Variants in FHIP1A observed in about 807,000 individuals in gnomAD.
FHIP1A encodes FHF complex subunit HOOK-interacting protein 1A.
In FHIP1A, 61 loss-of-function variants were observed where a neutral mutation model predicts 88.6. That is an observed-to-expected ratio of 0.69 (90% CI 0.56 to 0.85). The LOEUF (loss-of-function observed/expected upper bound fraction) is 0.85, where lower values mean the gene tolerates loss of function less well. Among genes scored for constraint, FHIP1A ranks in the 40% least tolerant of loss-of-function variants. The probability of loss-of-function intolerance (pLI) is 0.00; values close to 1 mark genes in which losing one functional copy is unlikely to be tolerated. For synonymous variants in FHIP1A, 478 were observed against 496.0 expected, an observed-to-expected ratio of 0.96 and a Z score of 0.48; for missense variants, 1,154 against 1,273.5, an observed-to-expected ratio of 0.91 and a Z score of 1.43.
rs112634063 is a variant in FHIP1A at position 151,614,107 on chromosome 4, G to C, written c.979-15595G>C. On this transcript the variant is annotated intron_variant, in intron 7 of 13. Transcript: ENST00000435205. ...GAACGTAGGAGGTGGAGGTTGCCGT[G>C]AGCTGAGATTGTGCCATTGCACTCT... is the stretch of plus-strand genomic sequence containing the variant. Among the ~76,000 whole-genome samples the C allele has an allele frequency of 3.1e-3, 464 of 150,932 alleles. 2 individuals are homozygous for C. Among genetic ancestry groups the C allele is most frequent in the African/African-American group, 0.011 (451 of 41,040 alleles).
At chr4:151,619,473 A>C (rs918631241) in intron 7 of FHIP1A, among the ~76,000 whole-genome samples, 1 of 152,206 alleles carries the variant, frequency 6.6e-6, no homozygotes, top group Non-Finnish European at 1.5e-5. Flanking sequence ...ATCAGAGTGC[A>C]TTGCACTTAG....
intron 3 of FHIP1A, among the ~76,000 whole-genome samples, chr4:151,527,773 C>T (rs1228812339): frequency 6.6e-6 from 1 of 152,174 alleles, no homozygotes; most frequent in Non-Finnish European, 1.5e-5. Flanking sequence ...TGTGTTTATA[C>T]TCTTTCCAGA....
chr4:151,518,905 G>T (rs1051262143), intron 3 of FHIP1A, among the ~76,000 whole-genome samples: 5 of 151,892 alleles, frequency 3.3e-5, no homozygotes, highest in African/African-American at 1.2e-4. Context: ...TGGTCTCGAG[G>T]TCTCAAACTC....
rs1028990144 is a variant in FHIP1A, at chr4:151,670,444, G to C, written c.*7690G>C. ...CAGCTGCACAATCTTTGAAGTGTAA[G>C]TTAATTTTTATGTGATATTTCAGTA... On this transcript the variant is annotated 3_prime_UTR_variant, in exon 14 of 14. Transcript: ENST00000435205. The C allele has an allele frequency of 6.6e-6, 1 of 152,156 alleles. No individual in the cohort carries two copies. Among genetic ancestry groups the C allele is most frequent in the Non-Finnish European group, 1.5e-5 (1 of 68,020 alleles). 9.4% of individuals were successfully genotyped at this position (152,156 alleles called of 1,614,324 possible).
intron 7 of FHIP1A, among the ~76,000 whole-genome samples, chr4:151,590,454 T>A (rs1392918059): frequency 6.6e-6 from 1 of 152,220 alleles, no homozygotes; most frequent in Non-Finnish European, 1.5e-5. Context: ...GTTACGAGGA[T>A]CTTACTGGTC....
intron 3 of FHIP1A, among the ~76,000 whole-genome samples, chr4:151,523,307 C>T (rs1352016585): frequency 1.3e-5 from 2 of 152,102 alleles, no homozygotes; most frequent in African/African-American, 4.8e-5. Flanking sequence ...TAATGGTAAG[C>T]ATAGAGAATG....
intron 7 of FHIP1A, among the ~76,000 whole-genome samples, chr4:151,626,047 G>A (rs531045270): frequency 1.3e-5 from 2 of 152,238 alleles, no homozygotes; most frequent in African/African-American, 4.8e-5. Context: ...ATAATATTTT[G>A]TATGTTTGCA....
intron 3 of FHIP1A, among the ~76,000 whole-genome samples, chr4:151,520,340 G>C (rs1043828120): frequency 5.9e-5 from 9 of 151,950 alleles, no homozygotes; most frequent in Non-Finnish European, 1.3e-4. Context: ...TATTGTGTTG[G>C]TGCCTTTATT....
intron 3 of FHIP1A, among the ~76,000 whole-genome samples, chr4:151,551,244 TA>T (rs1177624367): frequency 6.6e-6 from 1 of 152,090 alleles, no homozygotes; most frequent in Non-Finnish European, 1.5e-5. Flanking sequence ...AGTGTTAAGG[TA>T]GATAGGTAAT....
At chr4:151,504,210 C>T (rs1376989633) in intron 3 of FHIP1A, among the ~76,000 whole-genome samples, 1 of 152,200 alleles carries the variant, frequency 6.6e-6, no homozygotes, top group African/African-American at 2.4e-5. Flanking sequence ...TTGCAACTCA[C>T]TTATCCTCAA....
intron 7 of FHIP1A, among the ~76,000 whole-genome samples, chr4:151,616,447 T>TC (rs1438269553): frequency 2.1e-4 from 29 of 138,140 alleles, no homozygotes; most frequent in African/African-American, 2.7e-4. Context: ...TTTCTTTCTT[T>TC]TTTTTTTTTT....
At chr4:151,603,095 G>A (rs1377586738) in intron 7 of FHIP1A, among the ~76,000 whole-genome samples, 7 of 152,056 alleles carry the variant, frequency 4.6e-5, no homozygotes, top group Non-Finnish European at 7.4e-5. Flanking sequence ...GGTGGATCAC[G>A]AGGTCGGGAG....
At chr4:151,563,330 G>GT (rs1733247020) in intron 3 of FHIP1A, among the ~76,000 whole-genome samples, 1 of 151,746 alleles carries the variant, frequency 6.6e-6, no homozygotes, top group East Asian at 1.9e-4. Context: ...TGTGTTGGTG[G>GT]TTTTTTTGAA....
rs1433210728 is a variant in FHIP1A, at chr4:151,649,754, C to T, written c.1713C>T (p.Asp571=). 1.3e-6 allele frequency: 2 copies of T among 1,551,652 alleles called. No individual in the cohort carries two copies. The highest frequency in any genetic ancestry group is 1.7e-6 in the Non-Finnish European group (2 of 1,146,982). The stretch of plus-strand genomic sequence containing the variant: ...GACCTCAGCTGGCTCCCAGAAAGGA[C>T]AAGAGCCAGACAGAGCTGGAATGGG... ...KTGPQLAPRK[D]KSQTELEWDD... is the part of the protein sequence containing the mutation. The change falls in exon 11 of 14, where the codon GAC becomes GAT. Residue 571 remains aspartate, a synonymous_variant. Coordinates refer to ENST00000435205, the MANE Select transcript of FHIP1A (RefSeq NM_001109977.3).
chr4:151,649,492 C>T lies in FHIP1A; in HGVS notation c.1451C>T (p.Ser484Phe), dbSNP rs368249366. The change falls in exon 11 of 14, where the codon TCC becomes TTC. Residue 484 changes from serine to phenylalanine, a missense_variant. Transcript: ENST00000435205. ...GAGCGGCCATTCCCCGAAGCGTTCT[C>T]CGAGTCAGCCTGCATTGTGGAGTAT... The part of the protein sequence containing the change: ...PVERPFPEAF[S>F]ESACIVEYGK... 9.7e-6 allele frequency: 15 copies of T among 1,551,222 alleles called. No individual in the cohort carries two copies. Among genetic ancestry groups the T allele is most frequent in the Middle Eastern group, 1.7e-4 (1 of 6,010 alleles).
intron 3 of FHIP1A, among the ~76,000 whole-genome samples, chr4:151,550,717 C>T (rs1022706796): frequency 6.6e-6 from 1 of 152,164 alleles, no homozygotes; most frequent in African/African-American, 2.4e-5. Context: ...TATGTAGTTT[C>T]TTAGTTGATG....
intron 3 of FHIP1A, among the ~76,000 whole-genome samples, chr4:151,555,373 G>A (rs181968702): frequency 5.3e-5 from 8 of 152,234 alleles, no homozygotes; most frequent in Admixed American, 5.2e-4. Flanking sequence ...GAGGCACTGT[G>A]AAGTGGTTTG....
intron 8 of FHIP1A, among the ~76,000 whole-genome samples, chr4:151,635,293 G>A (rs546216147): frequency 6.6e-6 from 1 of 151,842 alleles, no homozygotes; most frequent in African/African-American, 2.4e-5. Flanking sequence ...AAGTGGTGCA[G>A]CTATTATGGA....
At chr4:151,585,519 G>A (rs1171301124) in intron 5 of FHIP1A, among the ~76,000 whole-genome samples, 1 of 152,082 alleles carries the variant, frequency 6.6e-6, no homozygotes, top group Admixed American at 6.5e-5. Flanking sequence ...GCCATCCCTG[G>A]CCATCTTATA....
Sources: gnomAD v4.1 joint callset for allele counts (sites outside exome capture counted in the v4.1 genomes callset) on GRCh38, gnomAD v4.1.1 for gene constraint, MANE v1.5 for transcripts, NCBI Gene and HGNC (gene_info 2026-07-23, HGNC 2026-07-21) for gene names.